Variants in LUZP2 observed in about 807,000 individuals in gnomAD.
LUZP2 encodes leucine zipper protein 2.
LUZP2 carries 52 observed loss-of-function variants against 51.6 expected under a neutral mutation model. The ratio of observed to expected loss-of-function variants is 1.01; its 90% confidence interval spans 0.81 to 1.27. The LOEUF (loss-of-function observed/expected upper bound fraction) is 1.27, where lower values mean the gene tolerates loss of function less well. Ranked by LOEUF, LUZP2 falls within the 50% of genes most tolerant of loss-of-function variation. The pLI is 0.00. For missense variants in LUZP2, 436 were observed against 395.4 expected (o/e 1.10, Z -0.87); for synonymous variants, 154 against 137.3 (o/e 1.12, Z -0.85).
In LUZP2 at chr11:24,550,940, C is replaced by T. The variant is rs143402867; in HGVS notation, c.62+53635C>T. Among the ~76,000 whole-genome samples the T allele has an allele frequency of 4.3e-3, 647 of 151,178 alleles. 4 individuals are homozygous for T. Among genetic ancestry groups the T allele is most frequent in the South Asian group, 0.017 (83 of 4,828 alleles). On this transcript the variant is annotated intron_variant, in intron 1 of 11. Coordinates refer to ENST00000336930, the MANE Select transcript of LUZP2 (RefSeq NM_001009909.4). Reference sequence around the variant, plus strand: ...CCTGGGCAAGAGAGCAAGATCCTGTCTCAAAAACAAACAAACACACACACA... The same window carrying T: ...CCTGGGCAAGAGAGCAAGATCCTGTTTCAAAAACAAACAAACACACACACA...
chr11:24,823,877 C>A (rs559698828), intron 5 of LUZP2, among the ~76,000 whole-genome samples: 29 of 151,980 alleles, frequency 1.9e-4, no homozygotes, highest in Admixed American at 7.2e-4. Context: ...TCCTGGCTAA[C>A]ATGGTGAAAC....
intron 1 of LUZP2, among the ~76,000 whole-genome samples, chr11:24,514,166 G>A (rs763800372): frequency 6.6e-6 from 1 of 152,154 alleles, no homozygotes; most frequent in East Asian, 1.9e-4. Context: ...GTCTTGATTG[G>A]TGGGAGAGAA....
At chr11:24,625,018 G>A (rs1443841015) in intron 1 of LUZP2, among the ~76,000 whole-genome samples, 1 of 152,104 alleles carries the variant, frequency 6.6e-6, no homozygotes, top group East Asian at 1.9e-4. Flanking sequence ...AGGAAATCCT[G>A]TCATTCCCAA....
At position 24,547,382 on chromosome 11, in the gene LUZP2, G is replaced by A. The variant is rs753450421; in HGVS notation, c.62+50077G>A. Among the ~76,000 whole-genome samples the A allele has an allele frequency of 2.9e-4, 44 of 151,920 alleles. 1 individual carries two copies. The highest frequency in any genetic ancestry group is 5.9e-4 in the Non-Finnish European group (40 of 67,982). On this transcript the variant is annotated intron_variant, in intron 1 of 11. Coordinates refer to ENST00000336930, the MANE Select transcript of LUZP2 (RefSeq NM_001009909.4). ...TGCAAAAACAGACACATAGACCAAC[G>A]GAACAGGTTAGAGAACCCAAAAGTA...
intron 1 of LUZP2, among the ~76,000 whole-genome samples, chr11:24,631,328 T>C (rs1261301851): frequency 1.3e-5 from 2 of 151,944 alleles, no homozygotes; most frequent in African/African-American, 4.8e-5. Context: ...AGGTTTGTTG[T>C]ATATGGCCAT....
chr11:24,716,116 A>T (rs2133941379), intron 1 of LUZP2, among the ~76,000 whole-genome samples: 1 of 152,310 alleles, frequency 6.6e-6, no homozygotes, highest in Admixed American at 6.5e-5. Context: ...TTAAAAATAA[A>T]AAATAAAATG....
In LUZP2 at chr11:24,880,038, G is replaced by C. The variant is rs1158848018; in HGVS notation, c.397-25953G>C. Among the ~76,000 whole-genome samples, 4 of 152,172 alleles carry C rather than the reference G, an allele frequency of 2.6e-5. No homozygotes were observed. The South Asian group carries it at 8.3e-4, about 31-fold the overall frequency. On this transcript the variant is annotated intron_variant, in intron 5 of 11. Coordinates refer to ENST00000336930, the MANE Select transcript of LUZP2 (RefSeq NM_001009909.4). ...CAGCAATAGGGCTTGCCTAGGAGTTGTAGTCCTTGTGCCCTAGACTTCCTT... is the reference window on the plus strand; with the variant it reads ...CAGCAATAGGGCTTGCCTAGGAGTTCTAGTCCTTGTGCCCTAGACTTCCTT...
At chr11:24,640,365 T>A (rs1855238215) in intron 1 of LUZP2, among the ~76,000 whole-genome samples, 1 of 151,830 alleles carries the variant, frequency 6.6e-6, no homozygotes, top group Admixed American at 6.6e-5. Flanking sequence ...GATGGCTAAT[T>A]GTGGGAAGCT....
chr11:24,996,025 A>AT lies in LUZP2; in HGVS notation c.765+12737dup, dbSNP rs200677333. Among the ~76,000 whole-genome samples, 1,217 of 150,730 alleles carry AT rather than the reference A, an allele frequency of 8.1e-3. 34 individuals are homozygous for AT. In the East Asian group the frequency reaches 0.098, roughly 12 times the overall value. ...ATTCTTCTATCTATAGGTTCTAATTATTTTTATATATTTTATTTTCTCTTT... is the reference window on the plus strand; with the variant it reads ...ATTCTTCTATCTATAGGTTCTAATTATTTTTTATATATTTTATTTTCTCTTT... On this transcript the variant is annotated intron_variant, in intron 9 of 11. Coordinates refer to ENST00000336930, the MANE Select transcript of LUZP2 (RefSeq NM_001009909.4).
At chr11:24,524,568 C>A (rs1322543973) in intron 1 of LUZP2, among the ~76,000 whole-genome samples, 1 of 151,672 alleles carries the variant, frequency 6.6e-6, no homozygotes, top group Non-Finnish European at 1.5e-5. Context: ...TTTTACTAAG[C>A]AAGAGCACCA....
chr11:25,022,468 TA>T (rs1422890526), intron 9 of LUZP2, among the ~76,000 whole-genome samples: 1 of 152,104 alleles, frequency 6.6e-6, no homozygotes, highest in Non-Finnish European at 1.5e-5. Flanking sequence ...TGGAAATACT[TA>T]AATAGGGAAT....
chr11:24,547,377 C>A (rs1336700029), intron 1 of LUZP2, among the ~76,000 whole-genome samples: 4 of 151,944 alleles, frequency 2.6e-5, no homozygotes, highest in Non-Finnish European at 5.9e-5. Flanking sequence ...GACACATAGA[C>A]CAACGGAACA....
chr11:24,879,468 G>A (rs1852383280), intron 5 of LUZP2, among the ~76,000 whole-genome samples: 1 of 152,064 alleles, frequency 6.6e-6, no homozygotes, highest in African/African-American at 2.4e-5. Flanking sequence ...GGTATTTCTG[G>A]TTCTGGATCC....
At chr11:24,959,013 TC>T (rs1855303188) in intron 7 of LUZP2, among the ~76,000 whole-genome samples, 1 of 152,342 alleles carries the variant, frequency 6.6e-6, no homozygotes, top group African/African-American at 2.4e-5. Context: ...AAATAGGGAA[TC>T]CTTTCCCCAT....
intron 1 of LUZP2, among the ~76,000 whole-genome samples, chr11:24,583,610 C>T (rs16912856): frequency 6.6e-6 from 1 of 152,030 alleles, no homozygotes; most frequent in African/African-American, 2.4e-5. Flanking sequence ...AAAGTAGACA[C>T]TTTTCATCTT....
intron 1 of LUZP2, among the ~76,000 whole-genome samples, chr11:24,530,762 CTTTTTTT>C (rs367857815): frequency 4.2e-4 from 32 of 75,392 alleles, no homozygotes; most frequent in Admixed American, 9.8e-4. Context: ...CTTCTTCTTA[CTTTTTTT>C]TTTTTTTTTT....
At chr11:24,671,750 C>T (rs1856407928) in intron 1 of LUZP2, among the ~76,000 whole-genome samples, 1 of 152,066 alleles carries the variant, frequency 6.6e-6, no homozygotes, top group African/African-American at 2.4e-5. Context: ...TTGAACATTA[C>T]ACGAACCTAG....
At chr11:24,524,939 A>G (rs1387818704) in intron 1 of LUZP2, among the ~76,000 whole-genome samples, 1 of 151,686 alleles carries the variant, frequency 6.6e-6, no homozygotes, top group Non-Finnish European at 1.5e-5. Context: ...TCACTACCTG[A>G]GACAGGCTAG....
At chr11:24,885,470 T>C (rs577106087) in intron 5 of LUZP2, among the ~76,000 whole-genome samples, 1 of 152,194 alleles carries the variant, frequency 6.6e-6, no homozygotes, top group South Asian at 2.1e-4. Context: ...ATAGAGATTA[T>C]AGGAAATCAT....
Sources: gnomAD v4.1 joint callset for allele counts (sites outside exome capture counted in the v4.1 genomes callset) on GRCh38, gnomAD v4.1.1 for gene constraint, MANE v1.5 for transcripts, NCBI Gene and HGNC (gene_info 2026-07-23, HGNC 2026-07-21) for gene names.